The following RGPD5 variants were observed in gnomAD, a reference collection of about 807,000 sequenced individuals.
RGPD5 encodes RANBP2 like and GRIP domain containing 5, also known as RANBP2-like and GRIP domain-containing protein 5/6.
At chr2:109,766,512 G>T in the RGPD5 span, among the ~76,000 whole-genome samples, 1 of 150,578 alleles carries the variant, frequency 6.6e-6, no homozygotes, top group African/African-American at 2.4e-5. Flanking sequence ...TCTTGATGAC[G>T]TTGAAGATGA....
At chr2:109,774,499 C>CATAT in the RGPD5 span, among the ~76,000 whole-genome samples, 15 of 1,702 alleles carry the variant, frequency 8.8e-3, 1 homozygote, top group South Asian at 0.17. Flanking sequence ...CAAAAACAAA[C>CATAT]ATATATATAT....
At chr2:109,771,518 C>G in the RGPD5 span, among the ~76,000 whole-genome samples, 13 of 81,326 alleles carry the variant, frequency 1.6e-4, 1 homozygote, top group Non-Finnish European at 2.8e-4. Context: ...TATTTGTGTT[C>G]CTTTCATTGA....
At chr2:109,764,649 A>G in the RGPD5 span, among the ~76,000 whole-genome samples, 1 of 148,286 alleles carries the variant, frequency 6.7e-6, no homozygotes, top group Non-Finnish European at 1.5e-5. Context: ...TGGGTGGAGG[A>G]TGGAAAGAGG....
At chr2:109,773,151 T>G in the RGPD5 span, among the ~76,000 whole-genome samples, 2 of 152,116 alleles carry the variant, frequency 1.3e-5, no homozygotes, top group South Asian at 4.1e-4. Context: ...GCCTTGAGAT[T>G]GGACAAGATT....
At chr2:109,779,486 A>G in the RGPD5 span, among the ~76,000 whole-genome samples, 1 of 113,560 alleles carries the variant, frequency 8.8e-6, no homozygotes, top group Non-Finnish European at 1.8e-5. Context: ...TTAGACTGTT[A>G]GATCTGTCTG....
chr2:109,769,881 G>A, the RGPD5 span, among the ~76,000 whole-genome samples: 4 of 133,412 alleles, frequency 3.0e-5, no homozygotes, highest in African/African-American at 1.1e-4. Flanking sequence ...GAGGAGAGAG[G>A]AAAACAGTTG....
chr2:109,761,646 T>TC, the RGPD5 span, among the ~76,000 whole-genome samples: 4 of 135,422 alleles, frequency 3.0e-5, no homozygotes, highest in African/African-American at 8.3e-5. Flanking sequence ...CTTTCTCTGC[T>TC]CCCCCCAACC....
the RGPD5 span, among the ~76,000 whole-genome samples, chr2:109,763,320 ATT>A: frequency 6.6e-6 from 1 of 150,502 alleles, no homozygotes; most frequent in African/African-American, 2.4e-5. Context: ...TATTAGTTCC[ATT>A]TTACAGATAG....
At chr2:109,766,649 C>G in the RGPD5 span, among the ~76,000 whole-genome samples, 63,615 of 147,704 alleles carry the variant, frequency 0.43, 15,918 homozygotes, top group African/African-American at 0.61. Flanking sequence ...TGGGTCTAAT[C>G]AATGACACTT....
chr2:109,764,290 A>G, the RGPD5 span, among the ~76,000 whole-genome samples: 6 of 147,348 alleles, frequency 4.1e-5, no homozygotes, highest in South Asian at 2.3e-4. Context: ...GGGGCAGCAG[A>G]TATGCAGAGG....
intron 1 of RGPD5, chr2:109,794,847 C>T: frequency 6.2e-6 from 1 of 160,858 alleles, no homozygotes; most frequent in Non-Finnish European, 7.5e-6. Context: ...GTGCTCGCTC[C>T]TGGGCCCGTC....
chr2:109,766,292 G>T, the RGPD5 span, among the ~76,000 whole-genome samples: 1 of 151,056 alleles, frequency 6.6e-6, no homozygotes, highest in Non-Finnish European at 1.5e-5. Context: ...AGGGGGCCTC[G>T]ATGGGAAGCA....
At chr2:109,765,240 A>AC in the RGPD5 span, among the ~76,000 whole-genome samples, 2 of 141,874 alleles carry the variant, frequency 1.4e-5, no homozygotes, top group African/African-American at 5.3e-5. Context: ...TCAGACCATG[A>AC]CCCCCAGTAA....
chr2:109,767,242 T>G, the RGPD5 span, among the ~76,000 whole-genome samples: 1 of 147,808 alleles, frequency 6.8e-6, no homozygotes, highest in Non-Finnish European at 1.5e-5. Flanking sequence ...AAGGTCAGAT[T>G]CAGCAGTCCA....
chr2:109,794,646 G>C, intron 1 of RGPD5, 109 bp downstream of exon 1: 1 of 887,294 alleles, frequency 1.1e-6, no homozygotes, highest in Non-Finnish European at 1.3e-6. Flanking sequence ...GATGGCTCAG[G>C]CGTCATGTCT....
chr2:109,794,856 T>C (rs1390743121), intron 1 of RGPD5: 18 of 141,636 alleles, frequency 1.3e-4, no homozygotes, highest in Admixed American at 5.5e-4. Context: ...CCTGGGCCCG[T>C]CCTGGCCCGG....
chr2:109,764,510 G>A, the RGPD5 span, among the ~76,000 whole-genome samples: 1 of 149,790 alleles, frequency 6.7e-6, no homozygotes. Flanking sequence ...TGTGGGAGAT[G>A]CAAGGATGAG....
At chr2:109,799,231 C>G (rs1421521724) in intron 1 of RGPD5, among the ~76,000 whole-genome samples, 4 of 133,804 alleles carry the variant, frequency 3.0e-5, no homozygotes, top group African/African-American at 1.2e-4. Flanking sequence ...GAGCAAGACT[C>G]CATCTCAAAA....
chr2:109,761,254 CA>C, the RGPD5 span, among the ~76,000 whole-genome samples: 5 of 148,210 alleles, frequency 3.4e-5, no homozygotes, highest in Admixed American at 3.4e-4. Flanking sequence ...GTCTCGGCTG[CA>C]TCCTTTCTGT....
Sources: allele counts gnomAD v4.1 joint callset (sites outside exome capture counted in the v4.1 genomes callset), GRCh38; gene constraint gnomAD v4.1.1; transcripts MANE v1.5; gene names NCBI Gene and HGNC (gene_info 2026-07-23, HGNC 2026-07-21).